PLCG2: variants seen among roughly 807,000 people sequenced by gnomAD.
PLCG2 encodes 1-phosphatidylinositol 4,5-bisphosphate phosphodiesterase gamma-2.
A neutral mutation model predicts 175.6 loss-of-function variants in PLCG2; 69 were observed. That is an observed-to-expected ratio of 0.39 (90% CI 0.32 to 0.48). The LOEUF (loss-of-function observed/expected upper bound fraction) is 0.48. Ranked by LOEUF, PLCG2 falls within the 20% of genes least tolerant of loss-of-function variation. PLCG2 has a pLI of 0.91. For missense variants in PLCG2, 1,798 were observed against 1,650.9 expected (o/e 1.09, Z -1.54); for synonymous variants, 827 against 624.0 (o/e 1.33, Z -4.85).
chr16:81,817,171 C>T (rs1255416095), intron 2 of PLCG2, among the ~76,000 whole-genome samples: 5 of 151,858 alleles, frequency 3.3e-5, no homozygotes, highest in East Asian at 1.9e-4. Context: ...AGGAAGAGCG[C>T]ACATGATGGG....
chr16:81,944,137 T>A (rs1356454286), intron 30 of PLCG2, among the ~76,000 whole-genome samples: 1 of 152,192 alleles, frequency 6.6e-6, no homozygotes, highest in Non-Finnish European at 1.5e-5. Context: ...TACTGAGCTC[T>A]GGGTGGTGAG....
At chr16:81,797,329 T>C (rs554320587) in intron 2 of PLCG2, among the ~76,000 whole-genome samples, 1 of 152,330 alleles carries the variant, frequency 6.6e-6, no homozygotes, top group South Asian at 2.1e-4. Context: ...CTGTCTTAGA[T>C]ATAAATGCGG....
At chr16:81,844,583 A>G (rs962625516) in intron 2 of PLCG2, among the ~76,000 whole-genome samples, 3 of 152,184 alleles carry the variant, frequency 2.0e-5, no homozygotes, top group Non-Finnish European at 2.9e-5. Flanking sequence ...AGGCCTCCCA[A>G]ATCGCTGGGA....
At chr16:81,858,235 G>A (rs1906782420) in intron 3 of PLCG2, 28 bp from the exon 4 acceptor site, 1 of 1,481,680 alleles carries the variant, frequency 6.7e-7, no homozygotes, top group Non-Finnish European at 9.4e-7. Flanking sequence ...AATTAACACA[G>A]CATTTCTGTT....
intron 31 of PLCG2, among the ~76,000 whole-genome samples, chr16:81,953,820 G>C (rs574684485): frequency 1.6e-4 from 25 of 152,202 alleles, no homozygotes; most frequent in Admixed American, 4.6e-4. Flanking sequence ...ATGTAATATA[G>C]CTGCAAATAT....
At position 81,771,971 on chromosome 16, in the gene PLCG2, C is replaced by T. The variant is rs144612012; in HGVS notation, c.-47-13972C>T. ...CTACTTTTTGTATTTTTAGTAGAGA[C>T]GGGGTTTCACCATGTTGGCCAGGCT... On this transcript the variant is annotated intron_variant, in intron 2 of 5. Transcript: ENST00000565054. 4.9e-3 allele frequency among the ~76,000 whole-genome samples: 747 copies of T among 152,102 alleles called. 5 individuals carry two copies. Among genetic ancestry groups the T allele is most frequent in the Non-Finnish European group, 7.6e-3 (514 of 67,984 alleles).
chr16:81,810,474 C>T (rs1477279913), intron 2 of PLCG2, among the ~76,000 whole-genome samples: 1 of 152,216 alleles, frequency 6.6e-6, no homozygotes, highest in Non-Finnish European at 1.5e-5. Context: ...TCTGGCCCTT[C>T]TGTGGTCATT....
intron 2 of PLCG2, among the ~76,000 whole-genome samples, chr16:81,772,261 C>G (rs980951071): frequency 6.6e-6 from 1 of 152,084 alleles, no homozygotes; most frequent in Non-Finnish European, 1.5e-5. Flanking sequence ...TGATGCAGCT[C>G]CAAGCCAAGG....
chr16:81,874,614 C>T (rs28690049), intron 7 of PLCG2, among the ~76,000 whole-genome samples: 2 of 152,176 alleles, frequency 1.3e-5, no homozygotes, highest in African/African-American at 4.8e-5. Flanking sequence ...AGCTGGATTT[C>T]TCAGGCTCCT....
rs539732104 is a variant in PLCG2 at position 81,828,798 on chromosome 16, A to G, written c.194-25646A>G. On this transcript the variant is annotated intron_variant, in intron 2 of 32. Coordinates refer to ENST00000564138, the MANE Select transcript of PLCG2 (RefSeq NM_002661.5). ...TCCTGAGTGCCTGGTGAAGTCGGGT[A>G]CATAGAAGGTTTCAACAAATGTGAA... Among the ~76,000 whole-genome samples, 5 of 152,346 alleles carry G rather than the reference A, an allele frequency of 3.3e-5. No homozygotes were observed. The South Asian group carries it at 6.2e-4, about 19-fold the overall frequency.
chr16:81,956,794 C>G lies in PLCG2; in HGVS notation c.3670C>G (p.Arg1224Gly), dbSNP rs199530350. ...TCTGTATGACACACACCAGAACTTG[C>G]GCAATGCCAACCGGGATGCCCTGGT... ...LFLYDTHQNL[R>G]NANRDALVKE... Residue 1224 changes from arginine to glycine, a missense_variant, in exon 32 of 33, where the codon CGC becomes GGC. Transcript: ENST00000564138. 2 of 1,614,124 alleles carry G rather than the reference C, an allele frequency of 1.2e-6. No homozygotes were observed. Among genetic ancestry groups the G allele is most frequent in the Non-Finnish European group, 1.7e-6 (2 of 1,179,992 alleles).
chr16:81,769,905 G>A (rs1648262338), intron 2 of PLCG2, among the ~76,000 whole-genome samples: 1 of 151,388 alleles, frequency 6.6e-6, no homozygotes, highest in Non-Finnish European at 1.5e-5. Context: ...CACACCTGCC[G>A]GTCGCTTAAT....
chr16:81,885,962 T>G (rs1020162308), intron 9 of PLCG2, among the ~76,000 whole-genome samples: 1 of 152,182 alleles, frequency 6.6e-6, no homozygotes, highest in African/African-American at 2.4e-5. Context: ...ATGAAGGTAA[T>G]AAGTTAATTT....
chr16:81,948,906 C>A (rs1222485346), intron 31 of PLCG2, among the ~76,000 whole-genome samples: 7 of 152,188 alleles, frequency 4.6e-5, no homozygotes, highest in African/African-American at 1.7e-4. Flanking sequence ...GCAGTTGAAA[C>A]TGAGCCAGTG....
chr16:81,777,580 G>T (rs1455081211), upstream of PLCG2, among the ~76,000 whole-genome samples: 1 of 152,036 alleles, frequency 6.6e-6, no homozygotes, highest in Non-Finnish European at 1.5e-5. Flanking sequence ...GATGTGTTAA[G>T]TGATCTGTGG....
intron 1 of PLCG2, among the ~76,000 whole-genome samples, chr16:81,752,233 C>G (rs1046571415): frequency 6.6e-6 from 1 of 151,996 alleles, no homozygotes; most frequent in Admixed American, 6.6e-5. Context: ...GAGGCCCTCA[C>G]AATTCTAGGG....
Position 81,960,473 on chromosome 16 carries a change from T to C in PLCG2, c.*2475T>C, listed in dbSNP as rs1597159564. The C allele has an allele frequency of 1.3e-5, 3 of 230,060 alleles. No homozygotes were observed. The East Asian group carries it at 1.9e-4, about 14-fold the overall frequency. The allele number at this position is 230,060 out of a possible 1,614,324, so 14.3% of individuals were successfully genotyped here. On this transcript the variant is annotated 3_prime_UTR_variant, in exon 33 of 33. Transcript: ENST00000564138. ...CTAAGTGTGTTATTTAGAATATTGG[T>C]TATTACAAGGAAAAATAAAGTGGGG...
rs556350259 is a variant in PLCG2, at chr16:81,960,144, A to G, written c.*2146A>G. The G allele has an allele frequency of 3.2e-5, 7 of 220,550 alleles. No homozygotes were observed. The highest frequency in any genetic ancestry group is 4.5e-5 in the Non-Finnish European group (5 of 110,126). The allele number at this position is 220,550 out of a possible 1,614,324, so 13.7% of individuals were successfully genotyped here. ...TGCTACAACCGGAATCCACCATGAG[A>G]GAGTACTTTCTTCGGTTCTTTCCTC... is the stretch of plus-strand genomic sequence containing the variant. On this transcript the variant is annotated 3_prime_UTR_variant, in exon 33 of 33. Transcript: ENST00000564138.
At chr16:81,862,695 C>A (rs1907040864) in intron 5 of PLCG2, among the ~76,000 whole-genome samples, 1 of 152,054 alleles carries the variant, frequency 6.6e-6, no homozygotes, top group South Asian at 2.1e-4. Flanking sequence ...CATGGGGAAA[C>A]CCTGTCTATA....
Sources: allele counts gnomAD v4.1 joint callset (sites outside exome capture counted in the v4.1 genomes callset), GRCh38; gene constraint gnomAD v4.1.1; transcripts MANE v1.5; gene names NCBI Gene and HGNC (gene_info 2026-07-23, HGNC 2026-07-21).